FHOD3: variants seen among roughly 807,000 people sequenced by gnomAD.
FHOD3 encodes FH1/FH2 domain-containing protein 3.
Under a neutral mutation model 173.0 loss-of-function variants are expected in FHOD3, and 90 were observed. That is an observed-to-expected ratio of 0.52 (90% confidence interval 0.44 to 0.62). The LOEUF is 0.62. FHOD3 is among the 20% of genes least tolerant of loss of function. FHOD3 has a pLI of 0.00. For missense variants in FHOD3, 1,945 were observed against 2,034.7 expected (o/e 0.96, Z 0.85); for synonymous variants, 828 against 823.0 (o/e 1.01, Z -0.10).
intron 23 of FHOD3, among the ~76,000 whole-genome samples, chr18:36,744,483 AG>A (rs1157147348): frequency 3.9e-5 from 6 of 152,272 alleles, no homozygotes; most frequent in Admixed American, 3.9e-4. Context: ...GTTACTCACC[AG>A]GGTGGATTCT....
rs568217877 is a variant in FHOD3, at chr18:36,766,746, A to T, written c.4625-2519A>T. Among the ~76,000 whole-genome samples, 7 of 152,342 alleles carry T rather than the reference A, an allele frequency of 4.6e-5. No homozygotes were observed. The East Asian group carries it at 7.7e-4, about 17-fold the overall frequency. Reference sequence around the variant, plus strand: ...CTTTAAGCATCTCCTGACACATTACATTGACAGAAGATCCCTGGGATTGTG... The same window carrying T: ...CTTTAAGCATCTCCTGACACATTACTTTGACAGAAGATCCCTGGGATTGTG... On this transcript the variant is annotated intron_variant, in intron 27 of 28. Transcript: ENST00000590592.
chr18:36,735,177 C>T (rs1180216503), intron 20 of FHOD3, among the ~76,000 whole-genome samples: 1 of 152,152 alleles, frequency 6.6e-6, no homozygotes, highest in African/African-American at 2.4e-5. Flanking sequence ...CTTGGCCCAA[C>T]TTGGCTGCCA....
chr18:36,414,550 C>T (rs1209522531), intron 3 of FHOD3, among the ~76,000 whole-genome samples: 3 of 152,208 alleles, frequency 2.0e-5, no homozygotes, highest in African/African-American at 7.2e-5. Context: ...AAGGCTCCAG[C>T]CACCCAGCCA....
At chr18:36,512,684 C>A (rs1368081543) in intron 5 of FHOD3, 141 bp downstream of exon 5, 4 of 576,116 alleles carry the variant, frequency 6.9e-6, no homozygotes, top group Admixed American at 3.1e-5. Flanking sequence ...GGCAAAAAAA[C>A]ATCTGCCATA....
intron 1 of FHOD3, among the ~76,000 whole-genome samples, chr18:36,334,480 A>T (rs2045197497): frequency 6.6e-6 from 1 of 152,238 alleles, no homozygotes; most frequent in Non-Finnish European, 1.5e-5. Flanking sequence ...CACAGAACAG[A>T]TGTTCAATAA....
chr18:36,324,754 T>TA (rs2044579993), intron 1 of FHOD3, among the ~76,000 whole-genome samples: 1 of 152,192 alleles, frequency 6.6e-6, no homozygotes, highest in South Asian at 2.1e-4. Flanking sequence ...AACACCCACA[T>TA]ACCCACTTTT....
At chr18:36,455,265 G>A (rs2052114597) in intron 3 of FHOD3, among the ~76,000 whole-genome samples, 1 of 152,264 alleles carries the variant, frequency 6.6e-6, no homozygotes, top group African/African-American at 2.4e-5. Context: ...TGGGCTTCTG[G>A]CAAGATGCTG....
intron 1 of FHOD3, among the ~76,000 whole-genome samples, chr18:36,300,886 A>G (rs1315620464): frequency 3.9e-5 from 6 of 151,992 alleles, no homozygotes; most frequent in Non-Finnish European, 1.5e-5. Context: ...GACTATAGGC[A>G]TGCACCACCA....
At chr18:36,690,871 A>T (rs527797) in intron 16 of FHOD3, among the ~76,000 whole-genome samples, 25 of 152,154 alleles carry the variant, frequency 1.6e-4, no homozygotes, top group Admixed American at 5.2e-4. Context: ...TCATCTTATA[A>T]AACTGAACCT....
chr18:36,662,372 A>G (rs893716188), intron 14 of FHOD3, among the ~76,000 whole-genome samples: 6 of 152,046 alleles, frequency 3.9e-5, no homozygotes, highest in African/African-American at 1.4e-4. Flanking sequence ...GGTTGTAGGA[A>G]CCTCAGGCCC....
chr18:36,485,214 T>A (rs1036038938), intron 3 of FHOD3, among the ~76,000 whole-genome samples: 11 of 152,202 alleles, frequency 7.2e-5, no homozygotes, highest in Admixed American at 1.3e-4. Context: ...GTTCACATTC[T>A]CTGCCTGAAA....
intron 3 of FHOD3, among the ~76,000 whole-genome samples, chr18:36,434,714 A>C (rs1032990889): frequency 6.6e-6 from 1 of 151,952 alleles, no homozygotes; most frequent in African/African-American, 2.4e-5. Flanking sequence ...CATTTATTTG[A>C]GCTTTCTCAG....
intron 5 of FHOD3, among the ~76,000 whole-genome samples, chr18:36,553,867 C>T (rs1239489671): frequency 6.6e-6 from 1 of 152,230 alleles, no homozygotes; most frequent in Non-Finnish European, 1.5e-5. Flanking sequence ...ATTTATGCAG[C>T]CAAGAAACAT....
intron 1 of FHOD3, among the ~76,000 whole-genome samples, chr18:36,332,162 A>G (rs1034305065): frequency 9.2e-5 from 14 of 152,192 alleles, no homozygotes; most frequent in Non-Finnish European, 1.5e-4. Flanking sequence ...TCCTTCCATT[A>G]TTGCAGAGTA....
intron 5 of FHOD3, among the ~76,000 whole-genome samples, chr18:36,572,654 CT>C (rs1228163286): frequency 6.6e-6 from 1 of 152,126 alleles, no homozygotes; most frequent in African/African-American, 2.4e-5. Flanking sequence ...GCTTTTAAAC[CT>C]TAGTTTGCCT....
intron 8 of FHOD3, among the ~76,000 whole-genome samples, chr18:36,608,400 T>G (rs1174984014): frequency 6.6e-6 from 1 of 152,162 alleles, no homozygotes; most frequent in Non-Finnish European, 1.5e-5. Context: ...ATTAACCCAG[T>G]CCTGAGATAA....
intron 19 of FHOD3, among the ~76,000 whole-genome samples, chr18:36,726,708 T>G (rs1402431214): frequency 6.6e-6 from 1 of 152,042 alleles, no homozygotes; most frequent in African/African-American, 2.4e-5. Flanking sequence ...GGAGTCTCAC[T>G]CTGTCACCCA....
chr18:36,700,265 T>C (rs1189875969), intron 17 of FHOD3, among the ~76,000 whole-genome samples: 2 of 152,074 alleles, frequency 1.3e-5, no homozygotes, highest in Non-Finnish European at 2.9e-5. Flanking sequence ...GCGTGTGTAT[T>C]GCACTTCCCC....
At chr18:36,655,035 GCTTCTTTTTTTTTC>G (rs1486602039) in intron 13 of FHOD3, among the ~76,000 whole-genome samples, 3 of 148,058 alleles carry the variant, frequency 2.0e-5, no homozygotes, top group Non-Finnish European at 4.4e-5. Flanking sequence ...TGTGAACTGA[GCTTCTTTTTTTTTC>G]CTTCTTTTTT....
Sources: gnomAD v4.1 joint callset for allele counts (sites outside exome capture counted in the v4.1 genomes callset) on GRCh38, gnomAD v4.1.1 for gene constraint, MANE v1.5 for transcripts, NCBI Gene and HGNC (gene_info 2026-07-23, HGNC 2026-07-21) for gene names.